Variants in MYT1 observed in about 807,000 individuals in gnomAD.
MYT1 encodes myelin transcription factor 1.
Under a neutral mutation model 123.0 loss-of-function variants are expected in MYT1, and 23 were observed. The observed-to-expected ratio is 0.19, with a 90% CI of 0.13 to 0.26. The LOEUF is 0.26. Ranked by LOEUF, MYT1 falls within the 10% of genes least tolerant of loss-of-function variation. The pLI, the probability that MYT1 is intolerant of heterozygous loss-of-function variation, is 1.00. For synonymous variants in MYT1, 518 were observed against 575.3 expected (o/e 0.90, Z 1.43); for missense variants, 1,125 against 1,472.5 (o/e 0.76, Z 3.86).
intron 1 of MYT1, among the ~76,000 whole-genome samples, chr20:64,188,325 C>G (rs1228925102): frequency 1.3e-5 from 2 of 152,140 alleles, no homozygotes; most frequent in Non-Finnish European, 2.9e-5. Flanking sequence ...ATGTCCTTCC[C>G]TCCAGCTGTC....
chr20:64,235,181 G>T (rs1219688000), intron 19 of MYT1, among the ~76,000 whole-genome samples: 2 of 111,996 alleles, frequency 1.8e-5, no homozygotes, highest in Admixed American at 8.3e-5. Context: ...TATGTGACCC[G>T]GGGCTGGCCG....
At chr20:64,237,204 C>A in intron 20 of MYT1, 83 bp from the exon 21 acceptor site, 2 of 1,143,664 alleles carry the variant, frequency 1.7e-6, no homozygotes, top group South Asian at 2.7e-5. Context: ...GGTTTCAGTT[C>A]TAGAAAGCAG....
intron 16 of MYT1, among the ~76,000 whole-genome samples, chr20:64,226,046 A>T (rs777047470): frequency 2.0e-5 from 3 of 152,162 alleles, no homozygotes; most frequent in Non-Finnish European, 4.4e-5. Context: ...CCACTTGCCC[A>T]CCGCACTGAA....
At position 64,167,339 on chromosome 20, in the gene MYT1, A is replaced by G. The variant is rs1350960107; in HGVS notation, c.-99+2600A>G. ...GCAAAAGGTGCGTCTACTTTGGAAA[A>G]GACTGAGCAAGGCTTGTGTCCACCC... On this transcript the variant is annotated intron_variant, in intron 1 of 22. Coordinates refer to ENST00000328439, the MANE Select transcript of MYT1 (RefSeq NM_004535.3). The surrounding 1 kb of genome is among the most constrained non-coding windows in gnomAD (Gnocchi z 6.3). 6.6e-6 allele frequency among the ~76,000 whole-genome samples: 1 copy of G among 152,302 alleles called. No individual in the cohort carries two copies. Among genetic ancestry groups the G allele is most frequent in the Admixed American group, 6.5e-5 (1 of 15,310 alleles).
chr20:64,188,774 G>T lies in MYT1; in HGVS notation c.-98-1289G>T, dbSNP rs1175403955. On this transcript the variant is annotated intron_variant, in intron 1 of 22. Coordinates refer to ENST00000328439, the MANE Select transcript of MYT1 (RefSeq NM_004535.3). Reference sequence around the variant, plus strand: ...CCCAGGAGGCCTAGAGATCTTGGGTGATAGGGAAGCTCCCGCAGCTCCCTC... The same window carrying T: ...CCCAGGAGGCCTAGAGATCTTGGGTTATAGGGAAGCTCCCGCAGCTCCCTC... Among the ~76,000 whole-genome samples the T allele has an allele frequency of 2.0e-5, 3 of 152,224 alleles. No homozygotes were observed. The East Asian group carries it at 5.8e-4, about 29-fold the overall frequency.
intron 21 of MYT1, among the ~76,000 whole-genome samples, chr20:64,239,299 G>C (rs948664447): frequency 6.6e-6 from 1 of 151,802 alleles, no homozygotes; most frequent in Admixed American, 6.5e-5. Context: ...GACACTCCAC[G>C]GGGGGGTGCA....
intron 4 of MYT1, 134 bp downstream of exon 4, chr20:64,200,056 C>A (rs1311576967): frequency 9.6e-7 from 1 of 1,037,556 alleles, no homozygotes; most frequent in Non-Finnish European, 1.5e-6. Flanking sequence ...CCTAAGGAGA[C>A]TGCCTTTCTC....
chr20:64,181,582 A>G (rs1982652636), intron 1 of MYT1, among the ~76,000 whole-genome samples: 1 of 152,168 alleles, frequency 6.6e-6, no homozygotes, highest in Non-Finnish European at 1.5e-5. Context: ...TGCCCTGTCC[A>G]CATGCGTCTG....
In MYT1 at chr20:64,213,465, A is replaced by C. The variant is rs890970322; in HGVS notation, c.1518-69A>C. On this transcript the variant is annotated intron_variant, in intron 9 of 22. Coordinates refer to ENST00000328439, the MANE Select transcript of MYT1 (RefSeq NM_004535.3). This position sits in a 1 kb window ranked among gnomAD's most constrained non-coding sequence, Gnocchi z 5.6. ...TGACCTTGCCGTGAGACACCCACAC[A>C]CACAGACACCCAGGACAGGACAGGC... 3.2e-5 allele frequency: 41 copies of C among 1,279,424 alleles called. 1 individual carries two copies. The South Asian group carries it at 4.3e-4, about 13-fold the overall frequency. 79.3% of individuals were successfully genotyped at this position (1,279,424 alleles called of 1,614,324 possible).
intron 10 of MYT1, among the ~76,000 whole-genome samples, chr20:64,215,813 G>A (rs181989091): frequency 1.1e-4 from 17 of 150,180 alleles, no homozygotes; most frequent in African/African-American, 2.2e-4. Context: ...TGCCCAAGCC[G>A]GTTTCTTACT....
chr20:64,168,395 A>G lies in MYT1; in HGVS notation c.-99+3656A>G, dbSNP rs1224704852. ...CCTTGTGGGAAGATTGGTTTCACCC[A>G]TCACTTCATCCTTTTTTTTATTTTA... On this transcript the variant is annotated intron_variant, in intron 1 of 22. Coordinates refer to ENST00000328439, the MANE Select transcript of MYT1 (RefSeq NM_004535.3). The surrounding 1 kb of genome is among the most constrained non-coding windows in gnomAD (Gnocchi z 6.1). 1.3e-5 allele frequency among the ~76,000 whole-genome samples: 2 copies of G among 152,240 alleles called. No individual in the cohort carries two copies. Among genetic ancestry groups the G allele is most frequent in the African/African-American group, 2.4e-5 (1 of 41,456 alleles).
intron 4 of MYT1, among the ~76,000 whole-genome samples, chr20:64,201,969 G>GCA (rs1269529698): frequency 6.7e-6 from 1 of 149,520 alleles, no homozygotes; most frequent in African/African-American, 2.5e-5. Context: ...GAACCCCCGC[G>GCA]TGTCGGGAAC....
At chr20:64,211,410 TCTATGGGGAGGCGTGGC>T in intron 8 of MYT1, 70 bp downstream of exon 8, 1 of 1,526,680 alleles carries the variant, frequency 6.6e-7, no homozygotes, top group African/African-American at 1.4e-5. Flanking sequence ...TTGGGTGGTG[TCTATGGGGAGGCGTGGC>T]CTGCCCAGGG....
rs576956524 is a variant in MYT1, at chr20:64,202,461, G to A, written c.86+2539G>A. The stretch of plus-strand genomic sequence containing the variant: ...TTGGGGTTAGCATCTTTGAGACAGC[G>A]AGGCGCTGACAACACCGAGTTCAGG... On this transcript the variant is annotated intron_variant, in intron 4 of 22. Transcript: ENST00000328439. The surrounding 1 kb of genome is among the most constrained non-coding windows in gnomAD (Gnocchi z 5.0). Among the ~76,000 whole-genome samples the A allele has an allele frequency of 2.0e-5, 3 of 152,240 alleles. No individual in the cohort carries two copies. The highest frequency in any genetic ancestry group is 1.3e-4 in the Admixed American group (2 of 15,304).
chr20:64,178,446 G>A (rs1156815210), intron 1 of MYT1, among the ~76,000 whole-genome samples: 7 of 151,586 alleles, frequency 4.6e-5, no homozygotes, highest in African/African-American at 2.4e-5. Context: ...CTCGCCTTTC[G>A]TGACCTTGTG....
intron 16 of MYT1, among the ~76,000 whole-genome samples, chr20:64,227,132 G>T (rs35388986): frequency 6.6e-6 from 1 of 152,236 alleles, no homozygotes; most frequent in Non-Finnish European, 1.5e-5. Context: ...GGTGTAAACC[G>T]ATGCTGGAGC....
chr20:64,208,106 G>A lies in MYT1; in HGVS notation c.910G>A (p.Glu304Lys). 6.2e-7 allele frequency: 1 copy of A among 1,610,974 alleles called. No homozygotes were observed. Among genetic ancestry groups the A allele is most frequent in the Non-Finnish European group, 8.5e-7 (1 of 1,178,722 alleles). The change falls in exon 7 of 23, where the codon GAG (glutamate) becomes AAG (lysine). Residue 304 changes from glutamate to lysine, a missense_variant. This residue lies in a region of MYT1 where 406 missense variants were observed against 432.2 expected (regional missense o/e 0.94). Coordinates refer to ENST00000328439, the MANE Select transcript of MYT1 (RefSeq NM_004535.3). The surrounding 1 kb of genome is among the most constrained non-coding windows in gnomAD (Gnocchi z 5.4). ...GGAGGAAGAGGAAGAGGAAGAGGAGGAGGAGGAGGCAGCTCCTGATGTGAT... is the reference window on the plus strand; with the variant it reads ...GGAGGAAGAGGAAGAGGAAGAGGAGAAGGAGGAGGCAGCTCCTGATGTGAT... ...EEEEEEEEEEEEEAAPDVIFQ... is the reference protein window; with the variant it reads ...EEEEEEEEEEKEEAAPDVIFQ...
chr20:64,181,568 T>C (rs1982652324), intron 1 of MYT1, among the ~76,000 whole-genome samples: 1 of 152,228 alleles, frequency 6.6e-6, no homozygotes. Context: ...GGCTGGGCCA[T>C]ATCTGCCCTG....
rs1315326239 is a variant in MYT1 at position 64,231,172 on chromosome 20, A to G, written c.2676-992A>G. Reference sequence around the variant, plus strand: ...TCTTGTGTTGCCAGGTAATCAGCACACAGGGAGTGTGTGACAAACGGTAAT... The same window carrying G: ...TCTTGTGTTGCCAGGTAATCAGCACGCAGGGAGTGTGTGACAAACGGTAAT... On this transcript the variant is annotated intron_variant, in intron 18 of 22. Transcript: ENST00000328439. This position sits in a 1 kb window ranked among gnomAD's most constrained non-coding sequence, Gnocchi z 6.4. Among the ~76,000 whole-genome samples, 1 of 152,158 alleles carries G rather than the reference A, an allele frequency of 6.6e-6. No homozygotes were observed. The highest frequency in any genetic ancestry group is 2.4e-5 in the African/African-American group (1 of 41,440).
Sources: allele counts gnomAD v4.1 joint callset (sites outside exome capture counted in the v4.1 genomes callset), GRCh38; gene constraint gnomAD v4.1.1; regional missense constraint gnomAD v4.1.1; non-coding constraint Gnocchi (gnomAD v3.1); transcripts MANE v1.5; gene names NCBI Gene and HGNC (gene_info 2026-07-23, HGNC 2026-07-21).